ZBTB38: variants seen among roughly 807,000 people sequenced by gnomAD.
ZBTB38 encodes zinc finger and BTB domain-containing protein 38.
A neutral mutation model predicts 76.8 loss-of-function variants in ZBTB38; 20 were observed. That is an observed-to-expected ratio of 0.26 (90% CI 0.18 to 0.38). The LOEUF is 0.38. Among genes scored for constraint, ZBTB38 ranks in the 10% least tolerant of loss-of-function variants. ZBTB38 has a pLI of 1.00. For synonymous variants in ZBTB38, 504 were observed against 544.2 expected (o/e 0.93, Z 1.03); for missense variants, 1,082 against 1,482.3 (o/e 0.73, Z 4.43).
intron 3 of ZBTB38, among the ~76,000 whole-genome samples, chr3:141,381,832 A>G (rs1313942408): frequency 6.6e-6 from 1 of 152,158 alleles, no homozygotes; most frequent in Non-Finnish European, 1.5e-5. Flanking sequence ...GCTGGGCTTG[A>G]TTTTTTAGAA....
chr3:141,334,233 A>AG (rs1225465621), intron 1 of ZBTB38, among the ~76,000 whole-genome samples: 7 of 151,000 alleles, frequency 4.6e-5, no homozygotes, highest in African/African-American at 1.7e-4. Flanking sequence ...AAAGAAAAAA[A>AG]AAAAAGCTAT....
intron 1 of ZBTB38, among the ~76,000 whole-genome samples, chr3:141,351,790 A>G (rs993695170): frequency 2.6e-5 from 4 of 151,352 alleles, no homozygotes; most frequent in Admixed American, 2.6e-4. Context: ...ATTCAATATT[A>G]TAGGTTGAAA....
intron 1 of ZBTB38, among the ~76,000 whole-genome samples, chr3:141,332,938 G>A (rs1942894813): frequency 6.6e-6 from 1 of 152,224 alleles, no homozygotes. Flanking sequence ...TACAGAACAA[G>A]TGTGGGCATT....
chr3:141,375,642 G>A (rs567344463), intron 2 of ZBTB38, among the ~76,000 whole-genome samples: 3 of 152,352 alleles, frequency 2.0e-5, no homozygotes, highest in African/African-American at 4.8e-5. Context: ...AGTAGGAGGT[G>A]GGATCTGGGG....
chr3:141,435,415 G>A (rs138998954), intron 5 of ZBTB38, among the ~76,000 whole-genome samples: 1 of 152,204 alleles, frequency 6.6e-6, no homozygotes, highest in Non-Finnish European at 1.5e-5. Flanking sequence ...ATTCATGCTT[G>A]TATTTGCACA....
At chr3:141,378,976 C>A (rs1200994416) in intron 2 of ZBTB38, among the ~76,000 whole-genome samples, 1 of 152,206 alleles carries the variant, frequency 6.6e-6, no homozygotes, top group Non-Finnish European at 1.5e-5. Context: ...ACACTCTTCA[C>A]CTTCACCAAA....
intron 5 of ZBTB38, chr3:141,431,902 T>C (rs1439902174): frequency 6.0e-6 from 1 of 167,748 alleles, no homozygotes; most frequent in East Asian, 1.9e-4. Context: ...TGTGCCCGTT[T>C]CAGGCCACAT....
Position 141,442,783 on chromosome 3 carries a change from G to A in ZBTB38, c.395G>A (p.Gly132Asp), listed in dbSNP as rs1454992719. 1.9e-6 allele frequency: 3 copies of A among 1,614,042 alleles called. No homozygotes were observed. Among genetic ancestry groups the A allele is most frequent in the South Asian group, 2.2e-5 (2 of 91,074 alleles). Reference sequence around the variant, plus strand: ...GATCGCAACTTCTCAAATTCCCCGGGTCCCTATGTATTCTGTATTACTGAA... The same window carrying A: ...GATCGCAACTTCTCAAATTCCCCGGATCCCTATGTATTCTGTATTACTGAA... The part of the protein sequence containing the change: ...LTDRNFSNSP[G>D]PYVFCITEKG... Residue 132 changes from glycine to aspartate, a missense_variant, in exon 6 of 6, where the codon GGT (glycine) becomes GAT (aspartate). By Grantham distance (94) the Gly-to-Asp change is moderately conservative. Around this residue, in one of 8 missense-constraint regions of ZBTB38, gnomAD observed 34 missense variants for 40.4 expected, o/e 0.84. Coordinates refer to ENST00000321464, the MANE Select transcript of ZBTB38 (RefSeq NM_001376113.1). The surrounding 1 kb of genome is among the most constrained non-coding windows in gnomAD (Gnocchi z 6.4).
chr3:141,420,339 A>G (rs759386902), intron 5 of ZBTB38, among the ~76,000 whole-genome samples: 26 of 152,314 alleles, frequency 1.7e-4, no homozygotes, highest in Non-Finnish European at 3.1e-4. Flanking sequence ...GCACTGGGTC[A>G]CCTGTAACCA....
chr3:141,411,456 G>C (rs377191020), intron 5 of ZBTB38, among the ~76,000 whole-genome samples: 1 of 152,208 alleles, frequency 6.6e-6, no homozygotes, highest in Non-Finnish European at 1.5e-5. Context: ...ATTTACAGTG[G>C]TTACAGCCAT....
Position 141,444,950 on chromosome 3 carries a change from A to G in ZBTB38, c.2562A>G (p.Leu854=), listed in dbSNP as rs1559968410. ...GNEAIVKRHI[L]GSKLFYKRGR... Reference sequence around the variant, plus strand: ...AAGCCATTGTGAAAAGGCACATTCTAGGATCTAAATTGTTTTATAAAAGAG... The same window carrying G: ...AAGCCATTGTGAAAAGGCACATTCTGGGATCTAAATTGTTTTATAAAAGAG... Residue 854 remains leucine, a synonymous_variant, in exon 6 of 6, where the codon CTA becomes CTG. Transcript: ENST00000321464. The surrounding 1 kb of genome is among the most constrained non-coding windows in gnomAD (Gnocchi z 5.1). 6.2e-7 allele frequency: 1 copy of G among 1,614,216 alleles called. No homozygotes were observed. The highest frequency in any genetic ancestry group is 8.5e-7 in the Non-Finnish European group (1 of 1,180,040).
intron 3 of ZBTB38, among the ~76,000 whole-genome samples, chr3:141,381,827 G>A (rs946574164): frequency 2.0e-5 from 3 of 152,164 alleles, no homozygotes; most frequent in African/African-American, 7.2e-5. Context: ...AACAAGCTGG[G>A]CTTGATTTTT....
intron 2 of ZBTB38, among the ~76,000 whole-genome samples, chr3:141,377,589 A>G (rs776969417): frequency 6.6e-6 from 1 of 152,222 alleles, no homozygotes; most frequent in Non-Finnish European, 1.5e-5. Context: ...TGATCCAGCA[A>G]TCCTACTCAT....
rs547157830 is a variant in ZBTB38, at chr3:141,397,957, A to G, written c.-105-5970A>G. Among the ~76,000 whole-genome samples the G allele has an allele frequency of 2.0e-5, 3 of 152,266 alleles. 1 individual carries two copies. Among genetic ancestry groups the G allele is most frequent in the Admixed American group, 2.0e-4 (3 of 15,286 alleles). Reference sequence around the variant, plus strand: ...CACATGCTATTAGGAAAATGGCACCAGTCAGACTTGCTTGACTCAGGGTTG... The same window carrying G: ...CACATGCTATTAGGAAAATGGCACCGGTCAGACTTGCTTGACTCAGGGTTG... On this transcript the variant is annotated intron_variant, in intron 4 of 5. Coordinates refer to ENST00000321464, the MANE Select transcript of ZBTB38 (RefSeq NM_001376113.1).
intron 5 of ZBTB38, among the ~76,000 whole-genome samples, chr3:141,411,391 G>A (rs988200446): frequency 2.0e-5 from 3 of 152,222 alleles, no homozygotes; most frequent in Non-Finnish European, 4.4e-5. Flanking sequence ...TGAGCCCAAA[G>A]AGCAAGGTTT....
chr3:141,375,179 T>G (rs1379422128), intron 2 of ZBTB38, among the ~76,000 whole-genome samples: 1 of 152,238 alleles, frequency 6.6e-6, no homozygotes, highest in Non-Finnish European at 1.5e-5. Flanking sequence ...AGATTTTCCT[T>G]TAACTGTAAT....
At chr3:141,347,007 T>A (rs141298014) in intron 1 of ZBTB38, among the ~76,000 whole-genome samples, 1 of 152,340 alleles carries the variant, frequency 6.6e-6, no homozygotes, top group East Asian at 1.9e-4. Flanking sequence ...ACCAAAGAAC[T>A]GTTCCTCATC....
chr3:141,343,986 G>T (rs1251504170), intron 1 of ZBTB38, among the ~76,000 whole-genome samples: 2 of 152,184 alleles, frequency 1.3e-5, no homozygotes, highest in Non-Finnish European at 2.9e-5. Context: ...TGAGGGACTT[G>T]CATCTAATCA....
At chr3:141,348,004 T>C (rs1454835243) in intron 1 of ZBTB38, among the ~76,000 whole-genome samples, 1 of 152,260 alleles carries the variant, frequency 6.6e-6, no homozygotes, top group African/African-American at 2.4e-5. Context: ...AAACACATTT[T>C]CCTTTAACAT....
Sources: gnomAD v4.1 joint callset for allele counts (sites outside exome capture counted in the v4.1 genomes callset) on GRCh38, gnomAD v4.1.1 for gene constraint, gnomAD v4.1.1 regional missense constraint, Gnocchi (gnomAD v3.1) non-coding constraint, MANE v1.5 for transcripts, NCBI Gene and HGNC (gene_info 2026-07-23, HGNC 2026-07-21) for gene names.